KIAA0825: variants seen among roughly 807,000 people sequenced by gnomAD.
KIAA0825 encodes the protein KIAA0825.
A neutral mutation model predicts 147.6 loss-of-function variants in KIAA0825; 119 were observed. That is an observed-to-expected ratio of 0.81 (90% CI 0.69 to 0.94). KIAA0825 has a LOEUF of 0.94. KIAA0825 is among the 40% of genes least tolerant of loss of function. The probability of loss-of-function intolerance (pLI) is 0.00; values close to 1 mark genes in which losing one functional copy is unlikely to be tolerated. For synonymous variants in KIAA0825, 470 were observed against 518.1 expected, an observed-to-expected ratio of 0.91 and a Z score of 1.26; for missense variants, 1,381 against 1,472.7, an observed-to-expected ratio of 0.94 and a Z score of 1.02.
chr5:94,459,782 G>C (rs747774094), intron 12 of KIAA0825, among the ~76,000 whole-genome samples: 34 of 151,830 alleles, frequency 2.2e-4, no homozygotes, highest in Non-Finnish European at 3.8e-4. Context: ...TCTACTATTA[G>C]GAGTTTTGAT....
intron 20 of KIAA0825, among the ~76,000 whole-genome samples, chr5:94,206,849 T>C (rs1772244465): frequency 6.6e-6 from 1 of 152,270 alleles, no homozygotes; most frequent in Non-Finnish European, 1.5e-5. Flanking sequence ...TCAAGTGACA[T>C]AAGATGTTTG....
chr5:94,333,557 G>A (rs1230662875), intron 20 of KIAA0825, among the ~76,000 whole-genome samples: 3 of 152,128 alleles, frequency 2.0e-5, no homozygotes, highest in Admixed American at 2.0e-4. Flanking sequence ...TGTTATTTCT[G>A]AGGCCTCTGT....
In KIAA0825 at chr5:94,469,966, A is replaced by G; in HGVS notation, c.1867T>C (p.Tyr623His). 6.5e-7 allele frequency: 1 copy of G among 1,547,112 alleles called. No homozygotes were observed. Among genetic ancestry groups the G allele is most frequent in the Non-Finnish European group, 8.7e-7 (1 of 1,144,560 alleles). ...TAGTAAACTTAACTTCACACCTCAT[A>G]AAAAGCTTTGTAGTCATCCCAGTGG... ...SHHWDDYKAF[Y>H]EGERCSFSIQ... Residue 623 changes from tyrosine to histidine, a missense_variant, in exon 10 of 21, where the codon TAT (tyrosine) becomes CAT (histidine). Transcript: ENST00000682413.
intron 3 of KIAA0825, among the ~76,000 whole-genome samples, chr5:94,535,579 A>C (rs937912196): frequency 4.6e-5 from 7 of 150,862 alleles, no homozygotes; most frequent in Non-Finnish European, 1.0e-4. Flanking sequence ...GGAAGACTAG[A>C]TATGCCGTTT....
At chr5:94,490,326 A>G (rs912629162) in intron 5 of KIAA0825, among the ~76,000 whole-genome samples, 3 of 152,230 alleles carry the variant, frequency 2.0e-5, no homozygotes, top group Non-Finnish European at 2.9e-5. Flanking sequence ...AAGATTTTAT[A>G]CCAAAACCTA....
chr5:94,458,396 G>C (rs1161984027), intron 12 of KIAA0825, among the ~76,000 whole-genome samples: 1 of 152,146 alleles, frequency 6.6e-6, no homozygotes, highest in Non-Finnish European at 1.5e-5. Context: ...TGAGTTTTAA[G>C]GGCCATCTGT....
intron 2 of KIAA0825, 150 bp from the exon 3 acceptor site, chr5:94,537,277 T>C (rs1424885560): frequency 3.6e-6 from 2 of 563,200 alleles, no homozygotes; most frequent in East Asian, 3.1e-5. Context: ...GTTGGAGAAC[T>C]AGGGTATTAT....
intron 20 of KIAA0825, among the ~76,000 whole-genome samples, chr5:94,316,352 C>A (rs1439057411): frequency 6.6e-6 from 1 of 150,716 alleles, no homozygotes; most frequent in Admixed American, 6.6e-5. Flanking sequence ...TTACTTTTTT[C>A]CTCAAAAACT....
intron 6 of KIAA0825, among the ~76,000 whole-genome samples, chr5:94,481,376 G>A (rs1054109134): frequency 1.3e-5 from 2 of 152,064 alleles, no homozygotes; most frequent in African/African-American, 4.8e-5. Context: ...GTGTTCATAG[G>A]TTCCCATTGT....
intron 20 of KIAA0825, among the ~76,000 whole-genome samples, chr5:94,238,713 A>C (rs1052549556): frequency 2.0e-5 from 3 of 146,846 alleles, no homozygotes; most frequent in Admixed American, 1.4e-4. Flanking sequence ...AATCAACACA[A>C]TATATCAACA....
chr5:94,517,711 T>A (rs1204293478), intron 5 of KIAA0825, among the ~76,000 whole-genome samples: 2 of 150,896 alleles, frequency 1.3e-5, no homozygotes, highest in Non-Finnish European at 3.0e-5. Context: ...TTTAAATTAT[T>A]TAAATTTAAA....
At chr5:94,255,002 A>T (rs1776169967) in intron 20 of KIAA0825, among the ~76,000 whole-genome samples, 1 of 151,992 alleles carries the variant, frequency 6.6e-6, no homozygotes, top group Admixed American at 6.6e-5. Context: ...TAAATTAGAA[A>T]GTGTCATGTA....
chr5:94,447,238 T>C (rs368274127), intron 13 of KIAA0825, among the ~76,000 whole-genome samples: 1 of 152,044 alleles, frequency 6.6e-6, no homozygotes, highest in Non-Finnish European at 1.5e-5. Context: ...AGATTAAAAT[T>C]AATGATATGG....
At chr5:94,610,756 T>G (rs1788573171) in intron 1 of KIAA0825, among the ~76,000 whole-genome samples, 1 of 107,980 alleles carries the variant, frequency 9.3e-6, no homozygotes, top group Non-Finnish European at 1.7e-5. Flanking sequence ...AGAGCGAGAC[T>G]CTATCTGCAA....
chr5:94,158,396 G>T (rs67066109), intron 20 of KIAA0825, among the ~76,000 whole-genome samples: 1 of 152,010 alleles, frequency 6.6e-6, no homozygotes, highest in Admixed American at 6.6e-5. Context: ...CACTGCCTCC[G>T]TATGGGGAAA....
chr5:94,524,848 G>T (rs1167409785), intron 3 of KIAA0825, among the ~76,000 whole-genome samples: 1 of 151,772 alleles, frequency 6.6e-6, no homozygotes, highest in Non-Finnish European at 1.5e-5. Flanking sequence ...ATGTCCAGTA[G>T]AATCTTGCCA....
chr5:94,281,198 A>AC, intron 20 of KIAA0825, among the ~76,000 whole-genome samples: 1 of 145,124 alleles, frequency 6.9e-6, no homozygotes, highest in Admixed American at 6.9e-5. Context: ...TAAGTGATTT[A>AC]ACACACACAC....
At chr5:94,155,447 T>C (rs1349923079) in intron 20 of KIAA0825, among the ~76,000 whole-genome samples, 2 of 152,010 alleles carry the variant, frequency 1.3e-5, no homozygotes, top group Non-Finnish European at 2.9e-5. Context: ...CTTGACCTCC[T>C]GGGCTGAAGT....
At chr5:94,475,770 C>T (rs1344853409) in intron 7 of KIAA0825, among the ~76,000 whole-genome samples, 1 of 152,088 alleles carries the variant, frequency 6.6e-6, no homozygotes, top group Non-Finnish European at 1.5e-5. Context: ...GATTGCACCA[C>T]TGCACTCCAG....
Sources: allele counts gnomAD v4.1 joint callset (sites outside exome capture counted in the v4.1 genomes callset), GRCh38; gene constraint gnomAD v4.1.1; transcripts MANE v1.5; gene names NCBI Gene and HGNC (gene_info 2026-07-23, HGNC 2026-07-21).